Variants in CFAP57 observed in about 807,000 individuals in gnomAD.
CFAP57 encodes cilia- and flagella-associated protein 57.
CFAP57 carries 116 observed loss-of-function variants against 146.8 expected under a neutral mutation model. The ratio of observed to expected loss-of-function variants is 0.79; its 90% CI spans 0.68 to 0.92. CFAP57 has a LOEUF of 0.92. Ranked by LOEUF, CFAP57 falls within the 40% of genes least tolerant of loss-of-function variation. The pLI is 0.00. For synonymous variants in CFAP57, 518 were observed against 552.8 expected (o/e 0.94, Z 0.88); for missense variants, 1,377 against 1,527.2 (o/e 0.90, Z 1.64).
intron 9 of CFAP57, chr1:43,206,504 A>C (rs1570078707): frequency 1.7e-6 from 1 of 583,112 alleles, no homozygotes; most frequent in East Asian, 2.8e-5. Context: ...AGTGAAAAAG[A>C]AATGAGAGTG....
rs1645772738 is a variant in CFAP57 at position 43,238,138 on chromosome 1, G to C, written c.3405+3500G>C. Among the ~76,000 whole-genome samples, 1 of 152,208 alleles carries C rather than the reference G, an allele frequency of 6.6e-6. No individual in the cohort carries two copies. Among genetic ancestry groups the C allele is most frequent in the South Asian group, 2.1e-4 (1 of 4,826 alleles). On this transcript the variant is annotated intron_variant, in intron 21 of 22. Coordinates refer to ENST00000372492, the MANE Select transcript of CFAP57 (RefSeq NM_001378189.1). This position sits in a 1 kb window ranked among gnomAD's most constrained non-coding sequence, Gnocchi z 4.3. Reference sequence around the variant, plus strand: ...GCTCATTTGTGCAGTTAGGCAGATGGTGAGCCCACTGACTGTGGGTTCCAG... The same window carrying C: ...GCTCATTTGTGCAGTTAGGCAGATGCTGAGCCCACTGACTGTGGGTTCCAG...
chr1:43,180,060 G>C lies in CFAP57; in HGVS notation c.158-1474G>C, dbSNP rs576482811. Among the ~76,000 whole-genome samples, 23 of 151,820 alleles carry C rather than the reference G, an allele frequency of 1.5e-4. 1 individual carries two copies. The highest frequency in any genetic ancestry group is 4.3e-4 in the African/African-American group (18 of 41,414). The stretch of plus-strand genomic sequence containing the variant: ...TGTCTCTACTAAAAATACAAAATTA[G>C]CCAGGCATGGTGGCACATGCCTGTA... On this transcript the variant is annotated intron_variant, in intron 2 of 22. Coordinates refer to ENST00000372492, the MANE Select transcript of CFAP57 (RefSeq NM_001378189.1).
chr1:43,245,192 C>G (rs971322193), intron 22 of CFAP57, among the ~76,000 whole-genome samples: 5 of 151,998 alleles, frequency 3.3e-5, no homozygotes, highest in African/African-American at 1.2e-4. Flanking sequence ...GCCTGTAGTC[C>G]CAGCTATTCG....
At chr1:43,246,916 T>C (rs1252831839) in intron 22 of CFAP57, among the ~76,000 whole-genome samples, 1 of 152,238 alleles carries the variant, frequency 6.6e-6, no homozygotes, top group African/African-American at 2.4e-5. Flanking sequence ...TGAGAGAAAT[T>C]CTAATCAATA....
At position 43,222,847 on chromosome 1, in the gene CFAP57, G is replaced by C; in HGVS notation, c.2556G>C (p.Gln852His). The C allele has an allele frequency of 6.5e-7, 1 of 1,547,368 alleles. No individual in the cohort carries two copies. Among genetic ancestry groups the C allele is most frequent in the Non-Finnish European group, 8.7e-7 (1 of 1,145,346 alleles). The part of the protein sequence containing the change: ...LEEAQEDVRQ[Q>H]LREFEETKKQ... Reference sequence around the variant, plus strand: ...AGGCACAGGAAGACGTCAGGCAGCAGCTGCGGGAGTTTGAAGAGACCAAGA... The same window carrying C: ...AGGCACAGGAAGACGTCAGGCAGCACCTGCGGGAGTTTGAAGAGACCAAGA... Residue 852 changes from glutamine to histidine, a missense_variant, in exon 16 of 23, where the codon CAG (glutamine) becomes CAC (histidine). Gln to His is a conservative substitution (Grantham distance 24, BLOSUM62 0). Transcript: ENST00000372492.
At chr1:43,253,836 A>C in intron 22 of CFAP57, 141 bp from the exon 23 acceptor site, 1 of 719,352 alleles carries the variant, frequency 1.4e-6, no homozygotes, top group Non-Finnish European at 2.3e-6. Flanking sequence ...ATGGCTTATC[A>C]CTGTACCTCC....
chr1:43,219,232 C>A, intron 12 of CFAP57, 150 bp from the exon 13 acceptor site: 1 of 811,272 alleles, frequency 1.2e-6, no homozygotes, highest in Non-Finnish European at 1.9e-6. Flanking sequence ...AGCTGATGTG[C>A]CTTCTGGGGA....
chr1:43,242,418 G>T (rs896044930), intron 21 of CFAP57, among the ~76,000 whole-genome samples: 1 of 152,048 alleles, frequency 6.6e-6, no homozygotes, highest in Admixed American at 6.6e-5. Context: ...CTACATTATA[G>T]GTACTCAATA....
intron 6 of CFAP57, chr1:43,194,537 G>A (rs1323149627): frequency 6.6e-6 from 1 of 151,968 alleles, no homozygotes; most frequent in Non-Finnish European, 1.5e-5. Context: ...TGTTTTTTCT[G>A]TTCCTTTCTC....
Position 43,172,433 on chromosome 1 carries a change from T to A in CFAP57, c.-40T>A, listed in dbSNP as rs1364971902. 4.4e-5 allele frequency: 68 copies of A among 1,550,432 alleles called. No individual in the cohort carries two copies. Among genetic ancestry groups the A allele is most frequent in the Non-Finnish European group, 5.9e-5 (68 of 1,146,534 alleles). On this transcript the variant is annotated 5_prime_UTR_variant, in exon 1 of 23. Coordinates refer to ENST00000372492, the MANE Select transcript of CFAP57 (RefSeq NM_001378189.1). ...GCCTCTGGATACATGCGTGGTCTGC[T>A]GACCCAGAGAGAAACGAAAGGTGGG...
intron 2 of CFAP57, among the ~76,000 whole-genome samples, chr1:43,173,784 C>T (rs1251642203): frequency 6.6e-6 from 1 of 152,172 alleles, no homozygotes; most frequent in Non-Finnish European, 1.5e-5. Flanking sequence ...TTCTTGCATG[C>T]ATATACATTC....
At chr1:43,229,978 T>C (rs1570261440) in intron 18 of CFAP57, among the ~76,000 whole-genome samples, 1 of 152,162 alleles carries the variant, frequency 6.6e-6, no homozygotes. Context: ...GAAAAGTAGA[T>C]GGATTTTCCA....
intron 21 of CFAP57, among the ~76,000 whole-genome samples, chr1:43,240,388 T>C (rs1198878): frequency 0.038 from 5,774 of 152,254 alleles, 173 homozygotes; most frequent in Middle Eastern, 0.085. Flanking sequence ...TTCTAGGATG[T>C]TTGGATTCTC....
At chr1:43,198,412 A>C in intron 7 of CFAP57, 69 bp from the exon 8 acceptor site, 2 of 1,497,210 alleles carry the variant, frequency 1.3e-6, no homozygotes, top group Non-Finnish European at 1.9e-6. Context: ...AATATATATC[A>C]GATACAGTAG....
intron 18 of CFAP57, among the ~76,000 whole-genome samples, chr1:43,229,240 G>C (rs967444456): frequency 6.7e-6 from 1 of 149,038 alleles, no homozygotes; most frequent in Non-Finnish European, 1.5e-5. Context: ...CTAATGGTCA[G>C]CTTACTTTCC....
intron 21 of CFAP57, among the ~76,000 whole-genome samples, chr1:43,241,789 G>T (rs1039522971): frequency 6.6e-6 from 1 of 152,158 alleles, no homozygotes; most frequent in African/African-American, 2.4e-5. Flanking sequence ...AGGTGGTCAG[G>T]TGATGTATTT....
intron 18 of CFAP57, among the ~76,000 whole-genome samples, chr1:43,230,383 T>G (rs1645419993): frequency 6.6e-6 from 1 of 152,208 alleles, no homozygotes; most frequent in South Asian, 2.1e-4. Context: ...GCAGAACCTC[T>G]GCATCAGGCC....
chr1:43,216,545 G>A (rs1227188658), intron 12 of CFAP57, among the ~76,000 whole-genome samples: 1 of 152,198 alleles, frequency 6.6e-6, no homozygotes, highest in Non-Finnish European at 1.5e-5. Flanking sequence ...AGGTGCCCAA[G>A]CTGGCTTCTG....
intron 6 of CFAP57, 21 bp downstream of exon 6, chr1:43,186,880 T>G: frequency 3.7e-6 from 6 of 1,613,946 alleles, no homozygotes; most frequent in Non-Finnish European, 4.2e-6. Context: ...CCAGCAATGG[T>G]CCTTCCAGAC....
Sources: gnomAD v4.1 joint callset for allele counts (sites outside exome capture counted in the v4.1 genomes callset) on GRCh38, gnomAD v4.1.1 for gene constraint, Gnocchi (gnomAD v3.1) non-coding constraint, MANE v1.5 for transcripts, NCBI Gene and HGNC (gene_info 2026-07-23, HGNC 2026-07-21) for gene names.